PDGFRA: variants seen among roughly 807,000 people sequenced by gnomAD.
The protein encoded by PDGFRA is platelet derived growth factor receptor alpha, also known as platelet-derived growth factor receptor alpha.
In PDGFRA, 25 loss-of-function variants were observed where a neutral mutation model predicts 121.5. That is an observed-to-expected ratio of 0.21 (90% CI 0.15 to 0.29). The LOEUF (loss-of-function observed/expected upper bound fraction) is 0.29, where lower values mean the gene tolerates loss of function less well. Ranked by LOEUF, PDGFRA falls within the 10% of genes least tolerant of loss-of-function variation. The probability of loss-of-function intolerance (pLI) is 1.00; values close to 1 mark genes in which losing one functional copy is unlikely to be tolerated. For synonymous variants in PDGFRA, 463 were observed against 494.8 expected, an observed-to-expected ratio of 0.94 and a Z score of 0.85; for missense variants, 1,008 against 1,345.1, an observed-to-expected ratio of 0.75 and a Z score of 3.92.
At chr4:54,289,571 C>T (rs1213284504) in intron 21 of PDGFRA, among the ~76,000 whole-genome samples, 2 of 152,140 alleles carry the variant, frequency 1.3e-5, no homozygotes, top group South Asian at 2.1e-4. Context: ...TGGAACCAGG[C>T]AGGATATGTA....
intron 9 of PDGFRA, 47 bp downstream of exon 9, chr4:54,272,567 T>C: frequency 6.3e-7 from 1 of 1,597,908 alleles, no homozygotes; most frequent in Non-Finnish European, 8.5e-7. Flanking sequence ...AGAATATTTC[T>C]CCCTTGACAC....
chr4:54,232,462 T>A (rs577621674), intron 1 of PDGFRA, among the ~76,000 whole-genome samples: 14 of 152,318 alleles, frequency 9.2e-5, no homozygotes, highest in Admixed American at 2.6e-4. Context: ...GGCGCCTCCT[T>A]CCCTGCCTCC....
chr4:54,286,063 C>T (rs2110338897), intron 18 of PDGFRA, 100 bp downstream of exon 18: 2 of 1,255,080 alleles, frequency 1.6e-6, no homozygotes, highest in South Asian at 1.2e-5. Context: ...TTTTTTAAAA[C>T]ATCAATAGAT....
At chr4:54,258,040 C>T (rs114364585) in intron 1 of PDGFRA, among the ~76,000 whole-genome samples, 3,352 of 152,260 alleles carry the variant, frequency 0.022, 108 homozygotes, top group African/African-American at 0.076. Flanking sequence ...CTTCTAATTT[C>T]ATCCTAGAGT....
chr4:54,295,239 C>G lies in PDGFRA; in HGVS notation c.3237C>G (p.Asp1079Glu), dbSNP rs758298020. 1 of 1,614,034 alleles carries G rather than the reference C, an allele frequency of 6.2e-7. No homozygotes were observed. Residue 1079 changes from aspartate (D) to glutamate (E), a missense_variant, in exon 23 of 23, where the codon GAC (aspartate) becomes GAG (glutamate). By Grantham distance (45) the Asp-to-Glu change is conservative (BLOSUM62 2). This residue lies in a region of PDGFRA where 204 missense variants were observed against 243.0 expected (regional missense o/e 0.84). Transcript: ENST00000257290. ...DIDMMDDIGIDSSDLVEDSFL is the reference protein window; with the variant it reads ...DIDMMDDIGIESSDLVEDSFL Reference sequence around the variant, plus strand: ...ACATGATGGATGACATCGGCATAGACTCTTCAGACCTGGTGGAAGACAGCT... The same window carrying G: ...ACATGATGGATGACATCGGCATAGAGTCTTCAGACCTGGTGGAAGACAGCT...
At chr4:54,292,522 TTGGGGA>T (rs1724681723) in intron 22 of PDGFRA, among the ~76,000 whole-genome samples, 1 of 148,706 alleles carries the variant, frequency 6.7e-6, no homozygotes, top group African/African-American at 2.5e-5. Flanking sequence ...CTTTCAGGGG[TTGGGGA>T]TTGGGTGGAA....
chr4:54,246,258 A>G (rs1246090959), intron 1 of PDGFRA, among the ~76,000 whole-genome samples: 1 of 152,318 alleles, frequency 6.6e-6, no homozygotes, highest in Admixed American at 6.5e-5. Context: ...AATCAACAGA[A>G]TATACATGTT....
intron 13 of PDGFRA, 107 bp downstream of exon 13, chr4:54,277,599 C>G: frequency 1.3e-6 from 1 of 787,348 alleles, no homozygotes; most frequent in Non-Finnish European, 2.2e-6. Flanking sequence ...ACATTTAGGA[C>G]TAGGTCCTGA....
chr4:54,256,734 C>T (rs546572142), intron 1 of PDGFRA, among the ~76,000 whole-genome samples: 127 of 149,694 alleles, frequency 8.5e-4, no homozygotes, highest in African/African-American at 2.7e-3. Context: ...GGATGCGGGC[C>T]GGGTGTGGTG....
At chr4:54,277,792 T>C (rs1196694779) in intron 13 of PDGFRA, 104 bp from the exon 14 acceptor site, 2 of 788,100 alleles carry the variant, frequency 2.5e-6, no homozygotes, top group Non-Finnish European at 4.4e-6. Flanking sequence ...TTCTGGTAAA[T>C]AGAATGATAT....
chr4:54,265,334 A>G, intron 5 of PDGFRA: 1 of 381,380 alleles, frequency 2.6e-6, no homozygotes, highest in Non-Finnish European at 5.0e-6. Context: ...TTCTCTGGCT[A>G]CAAGATATCA....
At chr4:54,253,270 T>C (rs1413313825) in intron 1 of PDGFRA, among the ~76,000 whole-genome samples, 1 of 152,180 alleles carries the variant, frequency 6.6e-6, no homozygotes, top group East Asian at 1.9e-4. Context: ...CCAAAGCACT[T>C]TCCATTAATC....
At chr4:54,244,803 G>T (rs1721531036) in intron 1 of PDGFRA, among the ~76,000 whole-genome samples, 1 of 152,162 alleles carries the variant, frequency 6.6e-6, no homozygotes, top group South Asian at 2.1e-4. Flanking sequence ...CAAAGGCAAA[G>T]AAGTTGAAAA....
At chr4:54,234,481 G>A (rs1720896593) in intron 1 of PDGFRA, among the ~76,000 whole-genome samples, 1 of 152,212 alleles carries the variant, frequency 6.6e-6, no homozygotes, top group Admixed American at 6.5e-5. Flanking sequence ...AATGGGCTTC[G>A]CGGAGACCAT....
At chr4:54,257,009 A>G (rs1444632185) in intron 1 of PDGFRA, among the ~76,000 whole-genome samples, 1 of 152,152 alleles carries the variant, frequency 6.6e-6, no homozygotes, top group African/African-American at 2.4e-5. Flanking sequence ...AGCCTGGGCA[A>G]CAGTGCAAGA....
intron 16 of PDGFRA, chr4:54,281,770 C>T: frequency 2.2e-6 from 3 of 1,334,558 alleles, no homozygotes; most frequent in Non-Finnish European, 2.9e-6. Flanking sequence ...ATTAAATTGC[C>T]TTCTTCCTCG....
intron 10 of PDGFRA, 90 bp downstream of exon 10, chr4:54,273,820 AT>A: frequency 1.0e-6 from 1 of 985,338 alleles, no homozygotes; most frequent in Non-Finnish European, 1.6e-6. Context: ...TTATATAGAA[AT>A]GAAGGTCCCA....
At chr4:54,236,344 A>G (rs1397098423) in intron 1 of PDGFRA, among the ~76,000 whole-genome samples, 3 of 152,220 alleles carry the variant, frequency 2.0e-5, no homozygotes, top group Non-Finnish European at 4.4e-5. Flanking sequence ...AGAGTAGATA[A>G]AAGTGGCAGG....
At chr4:54,290,670 A>T in intron 22 of PDGFRA, 116 bp downstream of exon 22, 4 of 1,201,302 alleles carry the variant, frequency 3.3e-6, no homozygotes, top group Non-Finnish European at 4.9e-6. Flanking sequence ...GTACTCAGGG[A>T]CAAGTTGCAG....
Sources: allele counts gnomAD v4.1 joint callset (sites outside exome capture counted in the v4.1 genomes callset), GRCh38; gene constraint gnomAD v4.1.1; regional missense constraint gnomAD v4.1.1; transcripts MANE v1.5; gene names NCBI Gene and HGNC (gene_info 2026-07-23, HGNC 2026-07-21).